VPS13A: variants seen among roughly 807,000 people sequenced by gnomAD.
The protein encoded by VPS13A is vacuolar protein sorting 13 homolog A.
A neutral mutation model predicts 390.9 loss-of-function variants in VPS13A; 264 were observed. The observed-to-expected ratio is 0.68, with a 90% confidence interval of 0.61 to 0.75. The LOEUF (loss-of-function observed/expected upper bound fraction) is 0.75. Among genes scored for constraint, VPS13A ranks in the 30% least tolerant of loss-of-function variants. VPS13A has a pLI of 0.00. For missense variants in VPS13A, 3,409 were observed against 3,733.9 expected, an observed-to-expected ratio of 0.91 and a Z score of 2.27; for synonymous variants, 1,231 against 1,227.1, an observed-to-expected ratio of 1.00 and a Z score of -0.07.
At chr9:77,210,873 G>A (rs1465311553) in intron 7 of VPS13A, among the ~76,000 whole-genome samples, 198 bp downstream of exon 7, 2 of 152,048 alleles carry the variant, frequency 1.3e-5, no homozygotes, top group Non-Finnish European at 2.9e-5. Context: ...AGAAATATGA[G>A]GTCCTATTAT....
At chr9:77,193,374 C>T (rs1307907525) in intron 1 of VPS13A, among the ~76,000 whole-genome samples, 1 of 152,182 alleles carries the variant, frequency 6.6e-6, no homozygotes, top group East Asian at 1.9e-4. Flanking sequence ...TGGCTCACAC[C>T]TGTAATCCCA....
chr9:77,347,138 T>C (rs1403397465), intron 52 of VPS13A, among the ~76,000 whole-genome samples: 1 of 152,164 alleles, frequency 6.6e-6, no homozygotes, highest in Non-Finnish European at 1.5e-5. Context: ...AGGTTTGTTC[T>C]TTTTGCTTAG....
intron 39 of VPS13A, among the ~76,000 whole-genome samples, chr9:77,316,781 G>A (rs777666107): frequency 2.6e-5 from 4 of 151,724 alleles, no homozygotes; most frequent in African/African-American, 7.3e-5. Context: ...TTTTTCTCCC[G>A]TTTGGATGTT....
At chr9:77,235,740 G>A (rs1564652563) in intron 17 of VPS13A, among the ~76,000 whole-genome samples, 1 of 152,048 alleles carries the variant, frequency 6.6e-6, no homozygotes, top group Non-Finnish European at 1.5e-5. Flanking sequence ...TATTCTTTAT[G>A]CTCCACAGAC....
chr9:77,179,342 C>T lies in VPS13A; in HGVS notation c.100+1538C>T, dbSNP rs576721455. Among the ~76,000 whole-genome samples the T allele has an allele frequency of 6.6e-5, 10 of 152,314 alleles. No homozygotes were observed. The East Asian group carries it at 1.9e-3, about 29-fold the overall frequency. On this transcript the variant is annotated intron_variant, in intron 1 of 71. Transcript: ENST00000360280. ...ATGGCACATAAAAGGTTCATCAAGC[C>T]TCCCGAATTCTCTCAGCTGCTCCTT...
intron 33 of VPS13A, among the ~76,000 whole-genome samples, chr9:77,297,560 A>G (rs1427887883): frequency 1.3e-5 from 2 of 151,328 alleles, no homozygotes; most frequent in African/African-American, 4.9e-5. Flanking sequence ...TTTTAAGTCA[A>G]TTTTGTCTGT....
intron 52 of VPS13A, among the ~76,000 whole-genome samples, chr9:77,347,503 G>A (rs1490755202): frequency 2.0e-5 from 3 of 152,062 alleles, no homozygotes; most frequent in Non-Finnish European, 4.4e-5. Context: ...TTGAGACAGT[G>A]TCTCAATCTG....
intron 71 of VPS13A, among the ~76,000 whole-genome samples, chr9:77,410,734 G>C (rs547365884): frequency 2.6e-5 from 4 of 152,192 alleles, no homozygotes; most frequent in African/African-American, 9.6e-5. Context: ...AATTCAACAA[G>C]AAGAGCTAAC....
chr9:77,227,771 G>A (rs1470859214), intron 16 of VPS13A, among the ~76,000 whole-genome samples: 5 of 151,166 alleles, frequency 3.3e-5, no homozygotes, highest in African/African-American at 1.2e-4. Flanking sequence ...CTGAGCTCAA[G>A]CAATCCGCCT....
At chr9:77,300,912 C>T (rs187570505) in intron 33 of VPS13A, among the ~76,000 whole-genome samples, 99 of 152,286 alleles carry the variant, frequency 6.5e-4, no homozygotes, top group African/African-American at 2.2e-3. Flanking sequence ...TGACAAAAAG[C>T]AAAGAATAAG....
At chr9:77,280,119 C>T (rs1450414628) in intron 26 of VPS13A, 40 bp from the exon 27 acceptor site, 1 of 1,465,100 alleles carries the variant, frequency 6.8e-7, no homozygotes, top group Non-Finnish European at 9.4e-7. Context: ...TTTCAGTTAC[C>T]TTTCCGATGA....
intron 1 of VPS13A, among the ~76,000 whole-genome samples, chr9:77,198,297 A>G (rs1318732924): frequency 6.6e-6 from 1 of 152,104 alleles, no homozygotes; most frequent in Non-Finnish European, 1.5e-5. Flanking sequence ...TTTTTGTCTG[A>G]GAAGTCTCTG....
At chr9:77,190,535 C>A (rs1325180457) in intron 1 of VPS13A, among the ~76,000 whole-genome samples, 1 of 152,098 alleles carries the variant, frequency 6.6e-6, no homozygotes, top group African/African-American at 2.4e-5. Flanking sequence ...CTGAAGTTTC[C>A]TGTTTTTGTT....
chr9:77,293,703 T>G (rs888468364), intron 32 of VPS13A, among the ~76,000 whole-genome samples, 195 bp downstream of exon 32: 9 of 151,898 alleles, frequency 5.9e-5, no homozygotes, highest in African/African-American at 2.2e-4. Flanking sequence ...AGGAATATTC[T>G]AATTAATTGA....
Position 77,398,405 on chromosome 9 carries a change from T to C in VPS13A, c.9190-4831T>C, listed in dbSNP as rs926948132. On this transcript the variant is annotated intron_variant, in intron 68 of 71. Coordinates refer to ENST00000360280, the MANE Select transcript of VPS13A (RefSeq NM_033305.3). Reference sequence around the variant, plus strand: ...TGTACTCTTACCTAATTACACAAGATGGTGAAAATTTAGATTTAGAAGATT... The same window carrying C: ...TGTACTCTTACCTAATTACACAAGACGGTGAAAATTTAGATTTAGAAGATT... Among the ~76,000 whole-genome samples the C allele has an allele frequency of 2.0e-5, 3 of 152,132 alleles. No homozygotes were observed. In the East Asian group the frequency reaches 5.8e-4, roughly 29 times the overall value.
chr9:77,320,099 A>G (rs1829651003), intron 42 of VPS13A, among the ~76,000 whole-genome samples: 2 of 152,146 alleles, frequency 1.3e-5, no homozygotes, highest in African/African-American at 4.8e-5. Context: ...AATTTAGAAC[A>G]CAGTTTAGAC....
chr9:77,207,213 T>TATA (rs1554859894), intron 5 of VPS13A, among the ~76,000 whole-genome samples: 1 of 43,096 alleles, frequency 2.3e-5, no homozygotes, highest in African/African-American at 5.9e-5. Flanking sequence ...TATTTAGATA[T>TATA]TATATATATA....
rs1199467642 is a variant in VPS13A, at chr9:77,416,068, A to T, written c.*62A>T. On this transcript the variant is annotated 3_prime_UTR_variant, in exon 72 of 72. Coordinates refer to ENST00000360280, the MANE Select transcript of VPS13A (RefSeq NM_033305.3). ...ATTACAGCTCCTAGACTACCTTCCA[A>T]AACCTGTTTGGGAAGCATATTACAG... 1.6e-5 allele frequency: 25 copies of T among 1,585,288 alleles called. No individual in the cohort carries two copies. The highest frequency in any genetic ancestry group is 2.1e-5 in the Non-Finnish European group (24 of 1,154,462).
intron 70 of VPS13A, 93 bp from the exon 71 acceptor site, chr9:77,407,439 CT>C (rs1834676688): frequency 9.9e-7 from 1 of 1,006,222 alleles, no homozygotes; most frequent in East Asian, 2.4e-5. Flanking sequence ...AAGAGGGACA[CT>C]TTAGGCATAC....
Sources: gnomAD v4.1 joint callset for allele counts (sites outside exome capture counted in the v4.1 genomes callset) on GRCh38, gnomAD v4.1.1 for gene constraint, MANE v1.5 for transcripts, NCBI Gene and HGNC (gene_info 2026-07-23, HGNC 2026-07-21) for gene names.